Variants in ERO1B observed in about 807,000 individuals in gnomAD.
ERO1B encodes the protein ERO1-like protein beta.
A neutral mutation model predicts 75.3 loss-of-function variants in ERO1B; 49 were observed. That is an observed-to-expected ratio of 0.65 (90% CI 0.52 to 0.83). The LOEUF (loss-of-function observed/expected upper bound fraction) is 0.83. Among genes scored for constraint, ERO1B ranks in the 40% least tolerant of loss-of-function variants. The probability of loss-of-function intolerance (pLI) is 0.00; values close to 1 mark genes in which losing one functional copy is unlikely to be tolerated. For synonymous variants in ERO1B, 191 were observed against 192.9 expected, an observed-to-expected ratio of 0.99 and a Z score of 0.08; for missense variants, 512 against 560.1, an observed-to-expected ratio of 0.91 and a Z score of 0.87.
intron 1 of ERO1B, among the ~76,000 whole-genome samples, chr1:236,275,734 G>A (rs1044086254): frequency 1.3e-5 from 2 of 152,126 alleles, no homozygotes; most frequent in Non-Finnish European, 2.9e-5. Flanking sequence ...ATAAACACAA[G>A]TGTGATTGAA....
chr1:236,222,462 T>C (rs1396106903), intron 13 of ERO1B, among the ~76,000 whole-genome samples: 1 of 152,166 alleles, frequency 6.6e-6, no homozygotes, highest in African/African-American at 2.4e-5. Context: ...TTGTATACTA[T>C]AACATGGTAC....
At chr1:236,234,661 C>T (rs1039988480) in intron 8 of ERO1B, among the ~76,000 whole-genome samples, 1 of 152,162 alleles carries the variant, frequency 6.6e-6, no homozygotes, top group Non-Finnish European at 1.5e-5. Flanking sequence ...CACATTGTGA[C>T]AGAGTGAGCA....
intron 1 of ERO1B, among the ~76,000 whole-genome samples, chr1:236,278,461 C>T (rs1033525036): frequency 6.6e-6 from 1 of 151,986 alleles, no homozygotes; most frequent in Admixed American, 6.6e-5. Context: ...TCTCACTGGG[C>T]AGACACGGGG....
At chr1:236,279,495 A>C in intron 1 of ERO1B, among the ~76,000 whole-genome samples, 1 of 130,732 alleles carries the variant, frequency 7.6e-6, no homozygotes, top group African/African-American at 3.1e-5. Context: ...ACAGAGCGAG[A>C]CTCCATCTCA....
At chr1:236,233,558 A>G (rs1006658813) in intron 8 of ERO1B, among the ~76,000 whole-genome samples, 5 of 151,698 alleles carry the variant, frequency 3.3e-5, no homozygotes, top group African/African-American at 1.2e-4. Context: ...AGATCACACC[A>G]CTGCACTCCA....
chr1:236,248,533 A>G (rs1664940087), intron 5 of ERO1B, among the ~76,000 whole-genome samples: 1 of 152,234 alleles, frequency 6.6e-6, no homozygotes, highest in South Asian at 2.1e-4. Context: ...TAAGTAAAAT[A>G]TGGGATATTT....
intron 5 of ERO1B, among the ~76,000 whole-genome samples, chr1:236,244,759 C>G (rs758303751): frequency 5.3e-5 from 8 of 152,118 alleles, no homozygotes; most frequent in Non-Finnish European, 8.8e-5. Flanking sequence ...GCTAATAAAG[C>G]TGGCTCAGTT....
chr1:236,225,083 GCCC>G lies in ERO1B; in HGVS notation c.1106_1108del (p.Gly369del). On this transcript the variant is annotated inframe_deletion, in exon 13 of 16. Transcript: ENST00000354619. ...AGAACTTTTTACCTTTAGTGACTTG[GCCC>G]CTTTTTTGTCACCTGCAAACATGGA... The G allele has an allele frequency of 6.2e-7, 1 of 1,613,618 alleles. No homozygotes were observed. Among genetic ancestry groups the G allele is most frequent in the African/African-American group, 1.3e-5 (1 of 74,860 alleles).
rs570806441 is a variant in ERO1B, at chr1:236,260,022, C to T, written c.223-6517G>A. ...CAAATTTAAGAACACTGAAATCATA[C>T]GAAGTATCTTATGTGACCACACTAA... is the stretch of plus-strand genomic sequence containing the variant. On this transcript the variant is annotated intron_variant, in intron 2 of 15. Coordinates refer to ENST00000354619, the MANE Select transcript of ERO1B (RefSeq NM_019891.4). Among the ~76,000 whole-genome samples, 30 of 152,240 alleles carry T rather than the reference C, an allele frequency of 2.0e-4. No individual in the cohort carries two copies. The East Asian group carries it at 3.7e-3, about 19-fold the overall frequency.
Position 236,281,696 on chromosome 1 carries a change from C to T in ERO1B, c.88G>A (p.Val30Ile), listed in dbSNP as rs1665834944. The T allele has an allele frequency of 1.3e-6, 2 of 1,486,844 alleles. No individual in the cohort carries two copies. The highest frequency in any genetic ancestry group is 2.1e-5 in the Admixed American group (1 of 47,590). 92.1% of individuals were successfully genotyped at this position (1,486,844 alleles called of 1,614,324 possible). The change falls in exon 1 of 16, where the codon GTC (valine) becomes ATC (isoleucine). Residue 30 changes from valine to isoleucine, a missense_variant. Val to Ile is a conservative substitution (Grantham distance 29). Transcript: ENST00000354619. ...CTCGGGCTTACCTGCGCCTCGACGA[C>T]GCTCCGCAGGAAGCTCAGGGTGACC... ...LLVTLSFLRSVVEAQVTGVLD... is the reference protein window; with the variant it reads ...LLVTLSFLRSIVEAQVTGVLD...
intron 14 of ERO1B, 104 bp from the exon 15 acceptor site, chr1:236,221,069 T>C: frequency 1.1e-6 from 1 of 876,532 alleles, no homozygotes; most frequent in Non-Finnish European, 1.6e-6. Context: ...AGGAAATTCA[T>C]ATGAACTGAG....
intron 6 of ERO1B, among the ~76,000 whole-genome samples, chr1:236,237,116 CTTTTT>C (rs67072171): frequency 0.063 from 6,628 of 105,388 alleles, 418 homozygotes; most frequent in East Asian, 0.4. Context: ...ACTATTTGGA[CTTTTT>C]TTTTTTTTTT....
Position 236,216,439 on chromosome 1 carries a change from C to A in ERO1B, c.*2077G>T. The A allele has an allele frequency of 6.6e-6, 1 of 152,076 alleles. No individual in the cohort carries two copies. The highest frequency in any genetic ancestry group is 1.9e-4 in the East Asian group (1 of 5,194). The allele number at this position is 152,076 out of a possible 1,614,324, so 9.4% of individuals were successfully genotyped here. A position where few individuals can be genotyped will look rare whatever the true frequency, so the allele number is the denominator to read the frequency against. ...TACACAAAAATGTAGGCTGCCCCTACAATCTAATTTATGATAAAATAAGAT... is the reference window on the plus strand; with the variant it reads ...TACACAAAAATGTAGGCTGCCCCTAAAATCTAATTTATGATAAAATAAGAT... On this transcript the variant is annotated 3_prime_UTR_variant, in exon 16 of 16. Transcript: ENST00000354619.
intron 1 of ERO1B, among the ~76,000 whole-genome samples, chr1:236,271,831 T>A (rs80348063): frequency 6.6e-6 from 1 of 152,070 alleles, no homozygotes; most frequent in Non-Finnish European, 1.5e-5. Context: ...TATGCTTGAG[T>A]TTTTTTGTTC....
At chr1:236,219,214 A>G (rs148450558) in intron 15 of ERO1B, among the ~76,000 whole-genome samples, 251 of 152,318 alleles carry the variant, frequency 1.6e-3, no homozygotes, top group Non-Finnish European at 2.8e-3. Context: ...TTAGGAGGAC[A>G]GGCAATGTTC....
rs114470518 is a variant in ERO1B at position 236,246,011 on chromosome 1, C to T, written c.432-2516G>A. ...CCTCAAAGTAAAGCTGTTTAAAAAT[C>T]ATAGTACCAATCACTGGAGAAGTTG... On this transcript the variant is annotated intron_variant, in intron 5 of 15. Coordinates refer to ENST00000354619, the MANE Select transcript of ERO1B (RefSeq NM_019891.4). Among the ~76,000 whole-genome samples, 916 of 152,122 alleles carry T rather than the reference C, an allele frequency of 6.0e-3. 8 individuals are homozygous for T. The highest frequency in any genetic ancestry group is 0.021 in the African/African-American group (881 of 41,492).
chr1:236,246,290 A>T (rs2764569), intron 5 of ERO1B, among the ~76,000 whole-genome samples: 116,818 of 152,040 alleles, frequency 0.77, 46,591 homozygotes, highest in East Asian at 0.89. Flanking sequence ...TGCCTCAGCC[A>T]CTCAAGTAAC....
chr1:236,271,363 C>A (rs764924587), intron 1 of ERO1B, among the ~76,000 whole-genome samples: 24 of 152,120 alleles, frequency 1.6e-4, no homozygotes, highest in Non-Finnish European at 2.5e-4. Flanking sequence ...TGTCCCCAGA[C>A]TCCCTTCAAC....
intron 5 of ERO1B, among the ~76,000 whole-genome samples, chr1:236,245,536 GTGTGTATGTATGTGTGTGTATA>G (rs1664850509): frequency 4.9e-4 from 1 of 2,034 alleles, no homozygotes; most frequent in African/African-American, 5.1e-4. Flanking sequence ...GTATATATAT[GTGTGTATGTATGTGTGTGTATA>G]TATATATATA....
Sources: allele counts gnomAD v4.1 joint callset (sites outside exome capture counted in the v4.1 genomes callset), GRCh38; gene constraint gnomAD v4.1.1; transcripts MANE v1.5; gene names NCBI Gene and HGNC (gene_info 2026-07-23, HGNC 2026-07-21).